The following TMEM178B variants were observed in gnomAD, a reference collection of about 807,000 sequenced individuals.
TMEM178B encodes transmembrane protein 178B.
Under a neutral mutation model 31.0 loss-of-function variants are expected in TMEM178B, and 5 were observed. That is an observed-to-expected ratio of 0.16 (90% confidence interval 0.08 to 0.34). The LOEUF (loss-of-function observed/expected upper bound fraction) is 0.34, where lower values mean the gene tolerates loss of function less well. Ranked by LOEUF, TMEM178B falls within the 10% of genes least tolerant of loss-of-function variation. The probability of loss-of-function intolerance (pLI) is 1.00; values close to 1 mark genes in which losing one functional copy is unlikely to be tolerated. For missense variants in TMEM178B, 275 were observed against 400.3 expected (o/e 0.69, Z 2.67); for synonymous variants, 164 against 164.0 (o/e 1.00, Z 0.00).
chr7:141,163,583 G>T (rs1015955924), intron 1 of TMEM178B, among the ~76,000 whole-genome samples: 2 of 151,368 alleles, frequency 1.3e-5, no homozygotes, highest in African/African-American at 2.4e-5. Flanking sequence ...TGCAATCCTG[G>T]CTCACTGCAA....
intron 2 of TMEM178B, among the ~76,000 whole-genome samples, chr7:141,325,004 G>A (rs1041595087): frequency 6.6e-6 from 1 of 152,090 alleles, no homozygotes; most frequent in African/African-American, 2.4e-5. Context: ...TGGAGAGTAA[G>A]TGTGAGGGGC....
chr7:141,308,320 A>G (rs1442662972), intron 2 of TMEM178B, among the ~76,000 whole-genome samples: 2 of 152,210 alleles, frequency 1.3e-5, no homozygotes, highest in African/African-American at 4.8e-5. Context: ...TGGGGCGGGA[A>G]GCTCTGTGGG....
chr7:141,376,465 T>C (rs1800215754), intron 2 of TMEM178B, among the ~76,000 whole-genome samples: 2 of 152,232 alleles, frequency 1.3e-5, no homozygotes, highest in South Asian at 4.1e-4. Context: ...ATAACATCGC[T>C]AATGATGTAA....
chr7:141,134,641 A>C (rs914243565), intron 1 of TMEM178B, among the ~76,000 whole-genome samples: 4 of 152,212 alleles, frequency 2.6e-5, no homozygotes, highest in African/African-American at 9.7e-5. Context: ...ACAACCAGAA[A>C]ACAATGAACA....
intron 1 of TMEM178B, among the ~76,000 whole-genome samples, chr7:141,155,784 G>T (rs1474061915): frequency 6.6e-6 from 1 of 152,198 alleles, no homozygotes; most frequent in African/African-American, 2.4e-5. Flanking sequence ...CAAATAAGGG[G>T]TCGGGCGTGG....
At chr7:141,367,132 G>A (rs1318160442) in intron 2 of TMEM178B, among the ~76,000 whole-genome samples, 3 of 152,022 alleles carry the variant, frequency 2.0e-5, no homozygotes, top group Admixed American at 1.3e-4. Context: ...GGCCTGTGAA[G>A]ACAGCACCAG....
intron 2 of TMEM178B, among the ~76,000 whole-genome samples, chr7:141,394,254 G>T (rs1353435372): frequency 6.6e-6 from 1 of 152,244 alleles, no homozygotes; most frequent in East Asian, 1.9e-4. Flanking sequence ...CCCGCCTGTT[G>T]CTGGTCTTGG....
At chr7:141,381,952 G>T (rs7811466) in intron 2 of TMEM178B, among the ~76,000 whole-genome samples, 37,810 of 152,026 alleles carry the variant, frequency 0.25, 5,006 homozygotes, top group African/African-American at 0.32. Flanking sequence ...ATCAGATACC[G>T]TCTGCTATCT....
chr7:141,496,687 A>C, the TMEM178B span, among the ~76,000 whole-genome samples: 6 of 151,268 alleles, frequency 4.0e-5, no homozygotes, highest in South Asian at 1.0e-3. Flanking sequence ...AAAAAAAAAA[A>C]AAAAAACCTC....
the TMEM178B span, among the ~76,000 whole-genome samples, chr7:141,510,663 C>A: frequency 7.5e-5 from 6 of 80,416 alleles, no homozygotes; most frequent in Admixed American, 4.3e-4. Context: ...CCAGCCTGGG[C>A]AACAAGAGTG....
At chr7:141,390,413 C>CA (rs1406814858) in intron 2 of TMEM178B, among the ~76,000 whole-genome samples, 2 of 152,218 alleles carry the variant, frequency 1.3e-5, no homozygotes, top group Admixed American at 1.3e-4. Flanking sequence ...TCCTATTTCA[C>CA]AAAAACATTT....
At position 141,289,714 on chromosome 7, in the gene TMEM178B, CAAAAAAA is replaced by C. The variant is rs35000633; in HGVS notation, c.496+77021_496+77027del. On this transcript the variant is annotated intron_variant, in intron 2 of 3. Transcript: ENST00000565468. Reference sequence around the variant, plus strand: ...TGGGTGACAGAGAGAGACCCTGTCTCAAAAAAAAAAAAAAAAAGAAAAAAGAAAAAGA... The same window carrying C: ...TGGGTGACAGAGAGAGACCCTGTCTCAAAAAAAAAAGAAAAAAGAAAAAGA... Among the ~76,000 whole-genome samples, 50 of 92,356 alleles carry C rather than the reference CAAAAAAA, an allele frequency of 5.4e-4. No homozygotes were observed. The East Asian group carries it at 9.3e-3, about 17-fold the overall frequency. The allele number at this position is 92,356 out of a possible 152,430, so 60.6% of individuals were successfully genotyped here.
intron 2 of TMEM178B, among the ~76,000 whole-genome samples, chr7:141,367,096 T>TGG (rs1299432276): frequency 3.7e-4 from 12 of 32,730 alleles, no homozygotes; most frequent in Non-Finnish European, 6.3e-4. Flanking sequence ...GGGGGAGGGG[T>TGG]GGGGGGGGCA....
the TMEM178B span, among the ~76,000 whole-genome samples, chr7:141,492,123 G>A: frequency 3.3e-5 from 5 of 151,958 alleles, 1 homozygote; most frequent in South Asian, 4.2e-4. Context: ...TCTCCTTAAC[G>A]CACTAATCTG....
intron 1 of TMEM178B, among the ~76,000 whole-genome samples, chr7:141,208,777 A>G (rs1797005604): frequency 6.6e-6 from 1 of 152,192 alleles, no homozygotes; most frequent in African/African-American, 2.4e-5. Context: ...GCCTGCCTGG[A>G]ACCAGTGGCA....
At chr7:141,115,791 A>T (rs1407535997) in intron 1 of TMEM178B, among the ~76,000 whole-genome samples, 1 of 152,202 alleles carries the variant, frequency 6.6e-6, no homozygotes, top group Non-Finnish European at 1.5e-5. Flanking sequence ...TGAGAGCTGC[A>T]TTTAAAGGAA....
chr7:141,118,480 T>C (rs531626686), intron 1 of TMEM178B, among the ~76,000 whole-genome samples: 47 of 152,318 alleles, frequency 3.1e-4, no homozygotes, highest in African/African-American at 9.9e-4. Flanking sequence ...TGAGTGAGTA[T>C]ATGTGAAGTG....
At chr7:141,236,196 G>C (rs147101320) in intron 2 of TMEM178B, among the ~76,000 whole-genome samples, 4 of 152,330 alleles carry the variant, frequency 2.6e-5, no homozygotes, top group South Asian at 2.1e-4. Context: ...CAGTCTCAGA[G>C]AGGGTTTGTA....
chr7:141,131,960 A>G (rs1375598117), intron 1 of TMEM178B, among the ~76,000 whole-genome samples: 3 of 152,178 alleles, frequency 2.0e-5, no homozygotes, highest in African/African-American at 2.4e-5. Flanking sequence ...TAGTATTGTT[A>G]TCATGTTAGT....
Sources: gnomAD v4.1 joint callset for allele counts (sites outside exome capture counted in the v4.1 genomes callset) on GRCh38, gnomAD v4.1.1 for gene constraint, MANE v1.5 for transcripts, NCBI Gene and HGNC (gene_info 2026-07-23, HGNC 2026-07-21) for gene names.